USP34: variants seen among roughly 807,000 people sequenced by gnomAD.
USP34 encodes the protein ubiquitin specific peptidase 34.
In USP34, 70 loss-of-function variants were observed where a neutral mutation model predicts 460.3. That is an observed-to-expected ratio of 0.15 (90% CI 0.13 to 0.19). USP34 has a LOEUF of 0.19. Among genes scored for constraint, USP34 ranks in the 10% least tolerant of loss-of-function variants. The pLI, the probability that USP34 is intolerant of heterozygous loss-of-function variation, is 1.00. For missense variants in USP34, 3,985 were observed against 4,236.2 expected (o/e 0.94, Z 1.65); for synonymous variants, 1,647 against 1,405.3 (o/e 1.17, Z -3.85).
At chr2:61,351,399 A>T (rs948373219) in intron 10 of USP34, among the ~76,000 whole-genome samples, 2 of 152,184 alleles carry the variant, frequency 1.3e-5, no homozygotes, top group Admixed American at 6.5e-5. Flanking sequence ...TAATAAACAC[A>T]AACATGTAAA....
At chr2:61,192,125 C>G (rs1377492287) in intron 76 of USP34, among the ~76,000 whole-genome samples, 1 of 152,144 alleles carries the variant, frequency 6.6e-6, no homozygotes, top group Non-Finnish European at 1.5e-5. Context: ...GAACCAGACT[C>G]AAAATACTTC....
chr2:61,445,562 G>A (rs10172561), intron 1 of USP34, among the ~76,000 whole-genome samples: 2 of 147,394 alleles, frequency 1.4e-5, no homozygotes, highest in Admixed American at 6.8e-5. Flanking sequence ...ATTGCTAAGA[G>A]AAAAATGATC....
chr2:61,453,413 C>CA (rs953332789), intron 1 of USP34, among the ~76,000 whole-genome samples: 5 of 148,938 alleles, frequency 3.4e-5, no homozygotes, highest in Admixed American at 6.7e-5. Flanking sequence ...GACCCTGTCT[C>CA]AAAAAAAGAA....
intron 23 of USP34, among the ~76,000 whole-genome samples, chr2:61,316,975 T>G (rs1250839267): frequency 1.3e-5 from 2 of 152,192 alleles, no homozygotes; most frequent in Non-Finnish European, 2.9e-5. Context: ...ACAAGTATTC[T>G]TTTTTCTTCA....
intron 20 of USP34, among the ~76,000 whole-genome samples, chr2:61,326,777 ATTTT>A (rs35060068): frequency 1.8e-4 from 19 of 103,002 alleles, no homozygotes; most frequent in Admixed American, 3.5e-4. Flanking sequence ...GTCAATGGGC[ATTTT>A]TTTTTTTTTT....
At chr2:61,311,409 T>C in intron 27 of USP34, 131 bp downstream of exon 27, 2 of 949,130 alleles carry the variant, frequency 2.1e-6, no homozygotes, top group African/African-American at 2.0e-5. Flanking sequence ...ACCAAGACAG[T>C]TGCTATATGA....
rs747013790 is a variant in USP34, at chr2:61,420,698, T to C, written c.131+48A>G. Reference sequence around the variant, plus strand: ...ATGTGACAATAAAAATCGCAACTTATAACACAACTCACAAAAATTAGTCTT... The same window carrying C: ...ATGTGACAATAAAAATCGCAACTTACAACACAACTCACAAAAATTAGTCTT... On this transcript the variant is annotated intron_variant, in intron 2 of 79. Coordinates refer to ENST00000398571, the MANE Select transcript of USP34 (RefSeq NM_014709.4). 11 of 1,464,586 alleles carry C rather than the reference T, an allele frequency of 7.5e-6. No individual in the cohort carries two copies. The Admixed American group carries it at 1.2e-4, about 17-fold the overall frequency. The allele number at this position is 1,464,586 out of a possible 1,614,324, so 90.7% of individuals were successfully genotyped here.
intron 1 of USP34, among the ~76,000 whole-genome samples, chr2:61,438,660 G>T (rs887433435): frequency 3.3e-5 from 5 of 151,788 alleles, no homozygotes; most frequent in African/African-American, 1.2e-4. Flanking sequence ...GGTATAAAAG[G>T]AAAGTACACC....
intron 58 of USP34, 87 bp from the exon 59 acceptor site, chr2:61,229,720 ACCCATTTATAGTTTG>A: frequency 1.7e-6 from 2 of 1,152,312 alleles, no homozygotes; most frequent in South Asian, 2.7e-5. Context: ...ATTCTCTGCC[ACCCATTTATAGTTTG>A]CACAAGATTA....
chr2:61,451,119 G>A (rs1306521842), intron 1 of USP34, among the ~76,000 whole-genome samples: 3 of 145,902 alleles, frequency 2.1e-5, no homozygotes, highest in South Asian at 2.1e-4. Context: ...TACTCGGGAC[G>A]CTGAGACAGG....
intron 76 of USP34, 58 bp from the exon 77 acceptor site, chr2:61,190,716 GGAAAAAACTTACACA>G (rs1431385762): frequency 7.9e-5 from 122 of 1,545,658 alleles, no homozygotes; most frequent in East Asian, 1.4e-4. Context: ...AAACTTACAC[GGAAAAAACTTACACA>G]GAAAAAACAT....
In USP34 at chr2:61,344,032, A is replaced by G. The variant is rs1271466371; in HGVS notation, c.2286-3T>C. The G allele has an allele frequency of 6.2e-7, 1 of 1,612,094 alleles. No homozygotes were observed. Among genetic ancestry groups the G allele is most frequent in the Non-Finnish European group, 8.5e-7 (1 of 1,178,724 alleles). Reference sequence around the variant, plus strand: ...TTAGCATATCATCAACCATATGCCTACAAAACAGAGAAAAGCACAAAGTTA... The same window carrying G: ...TTAGCATATCATCAACCATATGCCTGCAAAACAGAGAAAAGCACAAAGTTA... On this transcript the variant is annotated splice_region_variant and splice_polypyrimidine_tract_variant and intron_variant, in intron 15 of 79. Coordinates refer to ENST00000398571, the MANE Select transcript of USP34 (RefSeq NM_014709.4).
rs931294931 is a variant in USP34 at position 61,400,202 on chromosome 2, C to T, written c.553-4969G>A. ...CCGGCTCATTACAAGCTCCGCCTCC[C>T]GGGTTCACGCCATTCTCCCGCCTCA... On this transcript the variant is annotated intron_variant, in intron 3 of 79. Coordinates refer to ENST00000398571, the MANE Select transcript of USP34 (RefSeq NM_014709.4). Among the ~76,000 whole-genome samples the T allele has an allele frequency of 3.3e-5, 5 of 151,742 alleles. No homozygotes were observed. In the South Asian group the frequency reaches 8.3e-4, roughly 25 times the overall value.
chr2:61,420,259 C>T (rs1573023694), intron 2 of USP34, among the ~76,000 whole-genome samples: 2 of 152,076 alleles, frequency 1.3e-5, no homozygotes, highest in East Asian at 1.9e-4. Flanking sequence ...GAACAGGAAT[C>T]CTTTTTATAA....
intron 2 of USP34, among the ~76,000 whole-genome samples, chr2:61,412,709 C>T (rs185987255): frequency 1.5e-4 from 22 of 151,626 alleles, no homozygotes; most frequent in Admixed American, 1.2e-3. Flanking sequence ...GGCAACATCG[C>T]GAGACCTCCT....
At chr2:61,373,211 CTA>C (rs955983833) in intron 8 of USP34, among the ~76,000 whole-genome samples, 13 of 151,236 alleles carry the variant, frequency 8.6e-5, no homozygotes, top group Non-Finnish European at 1.9e-4. Context: ...ACACTAGAAT[CTA>C]TATATATATA....
chr2:61,355,379 A>C (rs1441114479), intron 10 of USP34, among the ~76,000 whole-genome samples: 1 of 152,240 alleles, frequency 6.6e-6, no homozygotes, highest in African/African-American at 2.4e-5. Context: ...TTTAAAAAAC[A>C]AAGAATAATT....
chr2:61,285,081 ATT>A (rs1366423245), intron 34 of USP34, 124 bp from the exon 35 acceptor site: 2 of 631,808 alleles, frequency 3.2e-6, no homozygotes, highest in Admixed American at 3.0e-5. Context: ...ATTCCAAATT[ATT>A]TTGATATTTA....
chr2:61,463,387 A>T (rs1181503634), intron 1 of USP34, among the ~76,000 whole-genome samples: 2 of 152,168 alleles, frequency 1.3e-5, no homozygotes. Context: ...ATTCAGCTAT[A>T]CTTATTACCA....
Sources: allele counts gnomAD v4.1 joint callset (sites outside exome capture counted in the v4.1 genomes callset), GRCh38; gene constraint gnomAD v4.1.1; transcripts MANE v1.5; gene names NCBI Gene and HGNC (gene_info 2026-07-23, HGNC 2026-07-21).